The following UGT2B11 variants were observed in gnomAD, a reference collection of about 807,000 sequenced individuals.
UGT2B11 encodes the protein UDP-glucuronosyltransferase 2B11.
Under a neutral mutation model 51.7 loss-of-function variants are expected in UGT2B11, and 49 were observed. That is an observed-to-expected ratio of 0.95 (90% CI 0.75 to 1.20). The LOEUF (loss-of-function observed/expected upper bound fraction) is 1.20. Ranked by LOEUF, UGT2B11 falls within the 50% of genes most tolerant of loss-of-function variation. The pLI is 0.00. For synonymous variants in UGT2B11, 273 were observed against 209.0 expected, an observed-to-expected ratio of 1.31 and a Z score of -2.64; for missense variants, 810 against 622.1, an observed-to-expected ratio of 1.30 and a Z score of -3.21.
upstream of UGT2B11, chr4:69,215,824 T>C (rs188956144): frequency 1.8e-3 from 272 of 151,998 alleles, 3 homozygotes; most frequent in African/African-American, 6.4e-3. Flanking sequence ...TTTTAATTTA[T>C]AAACACACTC....
chr4:69,218,126 T>A (rs547281217), upstream of UGT2B11, among the ~76,000 whole-genome samples: 19 of 152,312 alleles, frequency 1.2e-4, no homozygotes, highest in African/African-American at 4.1e-4. Context: ...AGTCCAATCT[T>A]GCTTCCTACT....
Position 69,214,565 on chromosome 4 carries a change from A to G in UGT2B11, c.158T>C (p.Val53Ala), listed in dbSNP as rs751092683. The change falls in exon 1 of 6, where the codon GTG (valine) becomes GCG (alanine). Residue 53 changes from valine to alanine, a missense_variant. By Grantham distance (64) the Val-to-Ala change is moderately conservative. Transcript: ENST00000446444. ...GGAAGCTGAAGATGCCAGTACAGTCACCTCATGACCTCTCTGAACAAGCTC... is the reference window on the plus strand; with the variant it reads ...GGAAGCTGAAGATGCCAGTACAGTCGCCTCATGACCTCTCTGAACAAGCTC... ...LKELVQRGHE[V>A]TVLASSASIL... 27 of 1,613,192 alleles carry G rather than the reference A, an allele frequency of 1.7e-5. No individual in the cohort carries two copies. In the Admixed American group the frequency reaches 4.3e-4, roughly 26 times the overall value.
intron 3 of UGT2B11, among the ~76,000 whole-genome samples, chr4:69,207,965 C>G (rs1048299325): frequency 1.5e-4 from 23 of 151,588 alleles, no homozygotes; most frequent in African/African-American, 4.4e-4. Flanking sequence ...GAAAGTCATT[C>G]TAAAGACTAC....
rs956391965 is a variant in UGT2B11 at position 69,200,558 on chromosome 4, A to T, written c.1472T>A (p.Leu491Ter). 2.5e-6 allele frequency: 4 copies of T among 1,612,296 alleles called. No homozygotes were observed. The African/African-American group carries it at 5.4e-5, about 22-fold the overall frequency. ...GGCCAGCAGAAACCCAATCACATCC[A>T]AAGAGTGGTACTGGAACCAGGTGAG... The part of the protein sequence containing the change: ...HDLTWFQYHS[L>*]DVIGFLLACV... The change falls in exon 6 of 6, where the codon TTG becomes TAG. Residue 491 changes from leucine to a stop codon, truncating the protein, a stop_gained. Transcript: ENST00000446444. LOFTEE classifies it high-confidence loss of function.
In UGT2B11 at chr4:69,208,338, C is replaced by T. The variant is rs1311074327; in HGVS notation, c.1002+13G>A. Reference sequence around the variant, plus strand: ...TCAGCAGTTTTCCACACCAGTAAGGCCCTTTATCTTACCTTTTGTGGGATC... The same window carrying T: ...TCAGCAGTTTTCCACACCAGTAAGGTCCTTTATCTTACCTTTTGTGGGATC... On this transcript the variant is annotated intron_variant, in intron 3 of 5. Coordinates refer to ENST00000446444, the MANE Select transcript of UGT2B11 (RefSeq NM_001073.3). The T allele has an allele frequency of 1.2e-6, 2 of 1,610,304 alleles. No homozygotes were observed. The highest frequency in any genetic ancestry group is 1.7e-6 in the Non-Finnish European group (2 of 1,177,632).
chr4:69,219,086 C>G (rs776468589), upstream of UGT2B11, among the ~76,000 whole-genome samples: 22 of 151,876 alleles, frequency 1.4e-4, no homozygotes, highest in Non-Finnish European at 2.4e-4. Flanking sequence ...GCCTCAGTGA[C>G]TACTTCTTTC....
chr4:69,206,053 G>C (rs1324933336), intron 3 of UGT2B11, among the ~76,000 whole-genome samples: 2 of 151,586 alleles, frequency 1.3e-5, no homozygotes, highest in Non-Finnish European at 1.5e-5. Flanking sequence ...AACCATTGTG[G>C]AAGACAGTGT....
the UGT2B11 span, among the ~76,000 whole-genome samples, chr4:69,224,456 C>A: frequency 2.0e-5 from 3 of 152,092 alleles, no homozygotes; most frequent in East Asian, 3.9e-4. Flanking sequence ...GTTAGAGAGC[C>A]TTTTTCCAGA....
chr4:69,202,723 A>C (rs866017544), intron 5 of UGT2B11, among the ~76,000 whole-genome samples: 1 of 151,840 alleles, frequency 6.6e-6, no homozygotes, highest in African/African-American at 2.4e-5. Context: ...ATTGAGTGAA[A>C]GTATTTGTAT....
chr4:69,220,892 G>A, the UGT2B11 span, among the ~76,000 whole-genome samples: 1 of 152,110 alleles, frequency 6.6e-6, no homozygotes, highest in African/African-American at 2.4e-5. Flanking sequence ...AATTAAGCTG[G>A]CTTTGTAGGG....
chr4:69,220,436 ACTCT>A, the UGT2B11 span, among the ~76,000 whole-genome samples: 3 of 149,856 alleles, frequency 2.0e-5, no homozygotes, highest in Non-Finnish European at 4.5e-5. Flanking sequence ...TCTGGTGGTG[ACTCT>A]CTGTGTGGGT....
intron 3 of UGT2B11, among the ~76,000 whole-genome samples, chr4:69,207,189 C>T (rs188111579): frequency 4.6e-4 from 70 of 151,662 alleles, no homozygotes; most frequent in Middle Eastern, 3.4e-3. Flanking sequence ...ACTTAGATAA[C>T]GTGCTACAAA....
intron 3 of UGT2B11, 49 bp from the exon 4 acceptor site, chr4:69,205,616 T>G (rs1205212682): frequency 5.1e-6 from 8 of 1,572,078 alleles, no homozygotes; most frequent in Non-Finnish European, 7.0e-6. Context: ...ACTCAAAAAT[T>G]ATAGAATGTT....
chr4:69,217,906 T>C (rs1407770923), upstream of UGT2B11, among the ~76,000 whole-genome samples: 1 of 152,092 alleles, frequency 6.6e-6, no homozygotes, highest in African/African-American at 2.4e-5. Context: ...CATGTCTTAA[T>C]GGGGAAAAGA....
upstream of UGT2B11, chr4:69,214,852 A>C (rs187363575): frequency 9.2e-6 from 13 of 1,406,292 alleles, no homozygotes; most frequent in African/African-American, 4.3e-5. Flanking sequence ...CATCCTGAGT[A>C]CATGGATGGC....
chr4:69,211,450 C>T (rs1722060898), intron 2 of UGT2B11, among the ~76,000 whole-genome samples: 1 of 151,486 alleles, frequency 6.6e-6, no homozygotes, highest in Non-Finnish European at 1.5e-5. Context: ...GCTGAATAAT[C>T]TGGTTCTCTT....
At chr4:69,219,080 C>T (rs189883954), upstream of UGT2B11, among the ~76,000 whole-genome samples, 70 of 151,964 alleles carry the variant, frequency 4.6e-4, no homozygotes, top group Non-Finnish European at 8.4e-4. Flanking sequence ...TCTTCAGCCT[C>T]AGTGACTACT....
At chr4:69,220,049 C>T in the UGT2B11 span, among the ~76,000 whole-genome samples, 1 of 152,130 alleles carries the variant, frequency 6.6e-6, no homozygotes, top group Non-Finnish European at 1.5e-5. Context: ...TTTCTAGATA[C>T]AATGAAGAAA....
chr4:69,217,716 G>A (rs1722309365), upstream of UGT2B11, among the ~76,000 whole-genome samples: 1 of 152,040 alleles, frequency 6.6e-6, no homozygotes, highest in Non-Finnish European at 1.5e-5. Flanking sequence ...CTCCCAGTGG[G>A]TGAGATGAAA....
Sources: gnomAD v4.1 joint callset for allele counts (sites outside exome capture counted in the v4.1 genomes callset) on GRCh38, gnomAD v4.1.1 for gene constraint, MANE v1.5 for transcripts, NCBI Gene and HGNC (gene_info 2026-07-23, HGNC 2026-07-21) for gene names.